DDX10: variants seen among roughly 807,000 people sequenced by gnomAD.
The protein encoded by DDX10 is probable ATP-dependent RNA helicase DDX10.
Under a neutral mutation model 104.3 loss-of-function variants are expected in DDX10, and 74 were observed. The observed-to-expected ratio is 0.71, with a 90% CI of 0.59 to 0.86. DDX10 has a LOEUF of 0.86. DDX10 is among the 40% of genes least tolerant of loss of function. The pLI is 0.00. For missense variants in DDX10, 952 were observed against 1,040.0 expected (o/e 0.92, Z 1.16); for synonymous variants, 351 against 353.4 (o/e 0.99, Z 0.08).
intron 13 of DDX10, among the ~76,000 whole-genome samples, chr11:108,723,790 G>A (rs144315531): frequency 4.7e-4 from 71 of 152,176 alleles, no homozygotes; most frequent in African/African-American, 1.4e-3. Context: ...AGGATCCTTC[G>A]TTAAAATTCT....
At chr11:108,923,006 C>G (rs1367387775) in intron 17 of DDX10, among the ~76,000 whole-genome samples, 1 of 152,072 alleles carries the variant, frequency 6.6e-6, no homozygotes, top group Non-Finnish European at 1.5e-5. Context: ...TGTTCTCTGG[C>G]TTTTTTACTC....
At chr11:108,765,124 A>G (rs1391301127) in intron 13 of DDX10, among the ~76,000 whole-genome samples, 2 of 152,210 alleles carry the variant, frequency 1.3e-5, no homozygotes, top group South Asian at 2.1e-4. Flanking sequence ...GAGGCAGAGT[A>G]ATCTACAGTA....
intron 13 of DDX10, among the ~76,000 whole-genome samples, chr11:108,747,226 G>T (rs1397629178): frequency 6.6e-6 from 1 of 152,092 alleles, no homozygotes; most frequent in Non-Finnish European, 1.5e-5. Flanking sequence ...TGTTTAGTGT[G>T]GTTATATATA....
intron 1 of DDX10, among the ~76,000 whole-genome samples, chr11:108,673,122 C>A (rs2094219182): frequency 6.6e-6 from 1 of 151,972 alleles, no homozygotes; most frequent in East Asian, 1.9e-4. Flanking sequence ...AATTGAGATC[C>A]CTTGAAGGAT....
At position 108,679,431 on chromosome 11, in the gene DDX10, T is replaced by C. The variant is rs754185169; in HGVS notation, c.719T>C (p.Ile240Thr). ...MGFADTMNAVIENLPKKRQTL... is the reference protein window; with the variant it reads ...MGFADTMNAVTENLPKKRQTL... ...TTTGCTGATACCATGAATGCTGTTATTGAAAATCTCCCCAAGAAACGTCAG... is the reference window on the plus strand; with the variant it reads ...TTTGCTGATACCATGAATGCTGTTACTGAAAATCTCCCCAAGAAACGTCAG... The change falls in exon 6 of 18, where the codon ATT becomes ACT. Residue 240 changes from isoleucine to threonine, a missense_variant. Ile to Thr is a moderately conservative substitution (Grantham distance 89). Around this residue, in one of 3 missense-constraint regions of DDX10, gnomAD observed 412 missense variants for 479.2 expected, o/e 0.86. Coordinates refer to ENST00000322536, the MANE Select transcript of DDX10 (RefSeq NM_004398.4). 6.8e-6 allele frequency: 11 copies of C among 1,613,232 alleles called. No individual in the cohort carries two copies. Among genetic ancestry groups the C allele is most frequent in the South Asian group, 5.5e-5 (5 of 90,942 alleles).
intron 13 of DDX10, among the ~76,000 whole-genome samples, chr11:108,788,672 G>C (rs901109182): frequency 9.9e-5 from 15 of 152,192 alleles, no homozygotes; most frequent in African/African-American, 3.6e-4. Context: ...CCTGTAGCTA[G>C]ATTTTTAAAA....
intron 9 of DDX10, among the ~76,000 whole-genome samples, chr11:108,705,280 T>C (rs1248116702): frequency 6.6e-6 from 1 of 152,238 alleles, no homozygotes; most frequent in African/African-American, 2.4e-5. Flanking sequence ...TTCTCTTCAC[T>C]ACTTTAGATG....
In DDX10 at chr11:108,665,308, G is replaced by A. The variant is rs767873563; in HGVS notation, c.155G>A (p.Ser52Asn). The change falls in exon 1 of 18, where the codon AGT becomes AAT. Residue 52 changes from serine (S) to asparagine (N), a missense_variant. Physicochemically the swap from Ser to Asn is conservative, Grantham distance 46. This residue lies in a region of DDX10 where 412 missense variants were observed against 479.2 expected (regional missense o/e 0.86). Coordinates refer to ENST00000322536, the MANE Select transcript of DDX10 (RefSeq NM_004398.4). ...CCCGAATGGCAGGTCGAGCGCGAGAGTATCAGCCGCCTCATGCAGAACTAT... is the reference window on the plus strand; with the variant it reads ...CCCGAATGGCAGGTCGAGCGCGAGAATATCAGCCGCCTCATGCAGAACTAT... ...KKPEWQVERE[S>N]ISRLMQNYEK... 3.7e-6 allele frequency: 6 copies of A among 1,603,300 alleles called. No homozygotes were observed. The South Asian group carries it at 6.7e-5, about 18-fold the overall frequency.
At chr11:108,766,582 A>T (rs2094356645) in intron 13 of DDX10, among the ~76,000 whole-genome samples, 1 of 151,024 alleles carries the variant, frequency 6.6e-6, no homozygotes, top group South Asian at 2.1e-4. Context: ...GTAAACTTGT[A>T]TTGTAATAAC....
chr11:108,860,609 G>A (rs1862928209), intron 16 of DDX10: 1 of 151,894 alleles, frequency 6.6e-6, no homozygotes, highest in Non-Finnish European at 1.5e-5. Flanking sequence ...GCAGTGGTGC[G>A]ACCTCAGCTT....
At chr11:108,790,001 A>C (rs1339641848) in intron 13 of DDX10, among the ~76,000 whole-genome samples, 1 of 152,186 alleles carries the variant, frequency 6.6e-6, no homozygotes, top group Non-Finnish European at 1.5e-5. Flanking sequence ...AAAAGCTTCC[A>C]GGTGGTTTTA....
chr11:108,706,896 T>C lies in DDX10; in HGVS notation c.1322+59T>C. The C allele has an allele frequency of 2.8e-6, 4 of 1,416,980 alleles. No homozygotes were observed. In the South Asian group the frequency reaches 3.5e-5, roughly 12 times the overall value. 87.8% of individuals were successfully genotyped at this position (1,416,980 alleles called of 1,614,324 possible). A position where few individuals can be genotyped will look rare whatever the true frequency, so the allele number is the denominator to read the frequency against. The stretch of plus-strand genomic sequence containing the variant: ...AAAATGAGGGCATGAAATTGTTTGC[T>C]TAATTATGTGCACCTAATTTGCCCC... On this transcript the variant is annotated intron_variant, in intron 10 of 17. Transcript: ENST00000322536.
At chr11:108,679,325 T>G (rs1262588510) in intron 5 of DDX10, 46 bp from the exon 6 acceptor site, 2 of 1,477,120 alleles carry the variant, frequency 1.4e-6, no homozygotes, top group Non-Finnish European at 1.8e-6. Context: ...TTTAGCCTAA[T>G]GTATATTTTA....
chr11:108,827,906 C>G (rs540868469), intron 13 of DDX10, among the ~76,000 whole-genome samples: 2 of 152,098 alleles, frequency 1.3e-5, no homozygotes, highest in Admixed American at 1.3e-4. Flanking sequence ...AAAATTTCAT[C>G]TTTATTTGTG....
chr11:108,674,259 C>A (rs970049546), intron 2 of DDX10, among the ~76,000 whole-genome samples: 2 of 151,738 alleles, frequency 1.3e-5, no homozygotes, highest in African/African-American at 4.8e-5. Flanking sequence ...GGGTTCATGC[C>A]ACTCTACTCC....
At chr11:108,853,335 A>G (rs895096381) in intron 16 of DDX10, among the ~76,000 whole-genome samples, 9 of 152,332 alleles carry the variant, frequency 5.9e-5, no homozygotes, top group Admixed American at 5.9e-4. Flanking sequence ...ATATTTATGA[A>G]TATTGCATGT....
chr11:108,845,676 G>C (rs973881335), intron 15 of DDX10, among the ~76,000 whole-genome samples: 1 of 152,070 alleles, frequency 6.6e-6, no homozygotes, highest in East Asian at 1.9e-4. Flanking sequence ...AAAAAACTTC[G>C]TAAAACCTAT....
At position 108,711,172 on chromosome 11, in the gene DDX10, C is replaced by T. The variant is rs146408195; in HGVS notation, c.1322+4335C>T. Among the ~76,000 whole-genome samples the T allele has an allele frequency of 2.5e-3, 383 of 152,354 alleles. 1 individual carries two copies. The highest frequency in any genetic ancestry group is 8.8e-3 in the African/African-American group (367 of 41,580). On this transcript the variant is annotated intron_variant, in intron 10 of 17. Transcript: ENST00000322536. ...TGCATTCAGTGCTATAAATTTCCCTCTAAGTACTGCTTTTGTTGCATTCCA... is the reference window on the plus strand; with the variant it reads ...TGCATTCAGTGCTATAAATTTCCCTTTAAGTACTGCTTTTGTTGCATTCCA...
chr11:108,937,588 A>G (rs1864052635), intron 17 of DDX10, among the ~76,000 whole-genome samples: 1 of 152,206 alleles, frequency 6.6e-6, no homozygotes, highest in Admixed American at 6.5e-5. Context: ...GCTTTTGTGT[A>G]TCCATTTTCA....
Sources: allele counts gnomAD v4.1 joint callset (sites outside exome capture counted in the v4.1 genomes callset), GRCh38; gene constraint gnomAD v4.1.1; regional missense constraint gnomAD v4.1.1; transcripts MANE v1.5; gene names NCBI Gene and HGNC (gene_info 2026-07-23, HGNC 2026-07-21).